FMN2: variants seen among roughly 807,000 people sequenced by gnomAD.
The protein encoded by FMN2 is formin-2.
In FMN2, 51 loss-of-function variants were observed where a neutral mutation model predicts 142.3. That is an observed-to-expected ratio of 0.36 (90% CI 0.29 to 0.45). FMN2 has a LOEUF of 0.45. Ranked by LOEUF, FMN2 falls within the 20% of genes least tolerant of loss-of-function variation. The pLI, the probability that FMN2 is intolerant of heterozygous loss-of-function variation, is 1.00. For missense variants in FMN2, 1,936 were observed against 2,122.8 expected (o/e 0.91, Z 1.73); for synonymous variants, 882 against 869.8 (o/e 1.01, Z -0.25).
chr1:240,400,760 T>C (rs1673952724), intron 15 of FMN2: 1 of 152,284 alleles, frequency 6.6e-6, no homozygotes, highest in Non-Finnish European at 1.5e-5. Flanking sequence ...GGAGTTCTTC[T>C]TTTGCTTGAA....
chr1:240,289,471 C>T (rs928902959), intron 7 of FMN2, among the ~76,000 whole-genome samples: 4 of 151,896 alleles, frequency 2.6e-5, no homozygotes, highest in African/African-American at 7.3e-5. Context: ...AGTTCAAGAC[C>T]GGCCTGGGCA....
chr1:240,334,425 G>C (rs1410106256), intron 13 of FMN2, among the ~76,000 whole-genome samples, 196 bp downstream of exon 13: 1 of 152,134 alleles, frequency 6.6e-6, no homozygotes, highest in East Asian at 1.9e-4. Context: ...CAAAAATTTG[G>C]TTATTAAGTA....
chr1:240,235,179 A>C (rs1667660660), intron 6 of FMN2, among the ~76,000 whole-genome samples: 1 of 152,204 alleles, frequency 6.6e-6, no homozygotes, highest in African/African-American at 2.4e-5. Context: ...GAAAAGATGA[A>C]GTCTAAGATA....
chr1:240,316,461 G>A (rs1377131402), intron 8 of FMN2, among the ~76,000 whole-genome samples: 2 of 152,266 alleles, frequency 1.3e-5, no homozygotes, highest in South Asian at 4.2e-4. Flanking sequence ...GGAGTCAGAG[G>A]AGGGGCAGGG....
At chr1:240,215,071 A>G (rs1038664482) in intron 6 of FMN2, among the ~76,000 whole-genome samples, 14 of 151,754 alleles carry the variant, frequency 9.2e-5, no homozygotes, top group Non-Finnish European at 1.8e-4. Context: ...TCTCTCAGGG[A>G]AAAAAAAATT....
At chr1:240,169,367 T>C (rs1406852234) in intron 2 of FMN2, among the ~76,000 whole-genome samples, 1 of 152,190 alleles carries the variant, frequency 6.6e-6, no homozygotes, top group African/African-American at 2.4e-5. Flanking sequence ...GAGGCAATTC[T>C]TTTTGAGGTC....
intron 2 of FMN2, among the ~76,000 whole-genome samples, chr1:240,140,263 C>G (rs1422409902): frequency 6.6e-6 from 1 of 152,160 alleles, no homozygotes; most frequent in Non-Finnish European, 1.5e-5. Context: ...ATTAAGCTTT[C>G]TATGTACCAG....
chr1:240,119,559 C>G (rs1662155674), intron 1 of FMN2, among the ~76,000 whole-genome samples: 1 of 152,144 alleles, frequency 6.6e-6, no homozygotes. Flanking sequence ...CCACCGCCAT[C>G]CAGTAGTAAT....
At chr1:240,140,816 A>G (rs922597889) in intron 2 of FMN2, among the ~76,000 whole-genome samples, 1 of 152,204 alleles carries the variant, frequency 6.6e-6, no homozygotes, top group Admixed American at 6.5e-5. Flanking sequence ...ATACTTGACT[A>G]ATTTGCTGTT....
At chr1:240,297,136 A>G (rs1670013774) in intron 8 of FMN2, among the ~76,000 whole-genome samples, 1 of 152,044 alleles carries the variant, frequency 6.6e-6, no homozygotes, top group African/African-American at 2.4e-5. Flanking sequence ...TATCTTGCAC[A>G]TATATATTAC....
At chr1:240,094,047 T>C (rs1661112994) in intron 1 of FMN2, among the ~76,000 whole-genome samples, 2 of 152,218 alleles carry the variant, frequency 1.3e-5, no homozygotes, top group African/African-American at 4.8e-5. Flanking sequence ...TCCTTTTTCG[T>C]CTCGTTAGCT....
intron 4 of FMN2, among the ~76,000 whole-genome samples, chr1:240,196,029 AAACCC>A (rs1327510280): frequency 6.6e-6 from 1 of 152,174 alleles, no homozygotes; most frequent in East Asian, 1.9e-4. Flanking sequence ...AACAAGACAA[AAACCC>A]AACATTCTCA....
At chr1:240,118,013 TGAA>T (rs953350260) in intron 1 of FMN2, among the ~76,000 whole-genome samples, 5 of 152,138 alleles carry the variant, frequency 3.3e-5, no homozygotes, top group Admixed American at 6.5e-5. Context: ...CTGAATGAGA[TGAA>T]GGAGTGAGGG....
intron 14 of FMN2, among the ~76,000 whole-genome samples, chr1:240,391,532 A>G (rs1353015612): frequency 6.6e-6 from 1 of 152,112 alleles, no homozygotes; most frequent in Non-Finnish European, 1.5e-5. Flanking sequence ...TAAAAAGACA[A>G]CTTCTTCTTT....
At chr1:240,237,546 C>A (rs1425086336) in intron 6 of FMN2, among the ~76,000 whole-genome samples, 5 of 152,158 alleles carry the variant, frequency 3.3e-5, no homozygotes, top group Non-Finnish European at 7.3e-5. Flanking sequence ...CGCAGCTGGT[C>A]TTTTTATCTT....
At chr1:240,406,086 AGG>A in intron 15 of FMN2, among the ~76,000 whole-genome samples, 1 of 114,048 alleles carries the variant, frequency 8.8e-6, no homozygotes, top group Non-Finnish European at 1.8e-5. Context: ...GGGGGAGCGA[AGG>A]GAATCAGCCT....
At chr1:240,418,432 T>A (rs1224280271) in intron 15 of FMN2, among the ~76,000 whole-genome samples, 1 of 151,972 alleles carries the variant, frequency 6.6e-6, no homozygotes, top group Non-Finnish European at 1.5e-5. Flanking sequence ...CCTGACCTCG[T>A]GATCCCCTCA....
At chr1:240,146,006 T>C (rs1184339997) in intron 2 of FMN2, among the ~76,000 whole-genome samples, 1 of 152,090 alleles carries the variant, frequency 6.6e-6, no homozygotes, top group African/African-American at 2.4e-5. Flanking sequence ...TTGGTACATA[T>C]AATCACTCTT....
At chr1:240,450,465 A>G (rs1373787889) in intron 16 of FMN2, among the ~76,000 whole-genome samples, 1 of 152,192 alleles carries the variant, frequency 6.6e-6, no homozygotes, top group Non-Finnish European at 1.5e-5. Context: ...TGAACACTTT[A>G]GGTAATCAAC....
Sources: gnomAD v4.1 joint callset for allele counts (sites outside exome capture counted in the v4.1 genomes callset) on GRCh38, gnomAD v4.1.1 for gene constraint, MANE v1.5 for transcripts, NCBI Gene and HGNC (gene_info 2026-07-23, HGNC 2026-07-21) for gene names.